NRXN3: variants seen among roughly 807,000 people sequenced by gnomAD.
NRXN3 encodes neurexin III.
In NRXN3, 32 loss-of-function variants were observed where a neutral mutation model predicts 137.6. The ratio of observed to expected loss-of-function variants is 0.23; its 90% CI spans 0.18 to 0.31. NRXN3 has a LOEUF of 0.31. NRXN3 is among the 10% of genes least tolerant of loss of function. The pLI, the probability that NRXN3 is intolerant of heterozygous loss-of-function variation, is 1.00. For missense variants in NRXN3, 1,574 were observed against 2,062.5 expected, an observed-to-expected ratio of 0.76 and a Z score of 4.59; for synonymous variants, 798 against 784.5, an observed-to-expected ratio of 1.02 and a Z score of -0.29.
chr14:78,831,314 G>T (rs1461658379), intron 10 of NRXN3, among the ~76,000 whole-genome samples: 1 of 151,872 alleles, frequency 6.6e-6, no homozygotes. Context: ...TTGGGAGGTG[G>T]ATCACGAGGT....
chr14:79,351,598 C>A (rs888804583), intron 15 of NRXN3, among the ~76,000 whole-genome samples: 1 of 152,136 alleles, frequency 6.6e-6, no homozygotes, highest in African/African-American at 2.4e-5. Context: ...CTATTAAGAG[C>A]ACCTACCTCA....
chr14:78,344,635 TG>T (rs2153584991), intron 4 of NRXN3, among the ~76,000 whole-genome samples: 1 of 152,350 alleles, frequency 6.6e-6, no homozygotes, highest in East Asian at 1.9e-4. Flanking sequence ...GGGGGCACTT[TG>T]ATAACCAAAT....
rs542204124 is a variant in NRXN3 at position 79,839,491 on chromosome 14, G to C, written c.4094-21851G>C. On this transcript the variant is annotated intron_variant, in intron 20 of 20. Coordinates refer to ENST00000335750, the MANE Select transcript of NRXN3 (RefSeq NM_001330195.2). ...GATCATTTGTTCAGTTTTAAAATCA[G>C]ATTATTAGTATTGCTGTTGAGTCAT... is the stretch of plus-strand genomic sequence containing the variant. 4.6e-5 allele frequency among the ~76,000 whole-genome samples: 7 copies of C among 152,272 alleles called. 1 individual carries two copies. The South Asian group carries it at 1.5e-3, about 32-fold the overall frequency.
At chr14:79,112,866 A>C (rs1473932863) in intron 15 of NRXN3, among the ~76,000 whole-genome samples, 1 of 152,236 alleles carries the variant, frequency 6.6e-6, no homozygotes, top group Non-Finnish European at 1.5e-5. Flanking sequence ...AAATGAAGTG[A>C]GTACCTCTTT....
chr14:78,432,417 C>T (rs1007046432), intron 4 of NRXN3, among the ~76,000 whole-genome samples: 6 of 151,992 alleles, frequency 3.9e-5, no homozygotes, highest in Non-Finnish European at 5.9e-5. Flanking sequence ...CCAAGGTTTA[C>T]CTCTGAGAAG....
intron 15 of NRXN3, among the ~76,000 whole-genome samples, chr14:79,081,441 G>A (rs955393416): frequency 9.2e-5 from 14 of 151,890 alleles, no homozygotes; most frequent in African/African-American, 1.2e-4. Context: ...TGGAGAAACC[G>A]TATCTCTACT....
chr14:79,373,491 A>C (rs1217363344), intron 15 of NRXN3, among the ~76,000 whole-genome samples: 1 of 152,194 alleles, frequency 6.6e-6, no homozygotes, highest in Admixed American at 6.5e-5. Context: ...AAAGCGATTT[A>C]GTTTTTTGCA....
chr14:79,081,784 A>G (rs1245529896), intron 15 of NRXN3, among the ~76,000 whole-genome samples: 4 of 152,184 alleles, frequency 2.6e-5, no homozygotes, highest in Non-Finnish European at 5.9e-5. Flanking sequence ...TTTTCCTCAT[A>G]GTAAACCAAA....
At chr14:78,912,732 A>T (rs1297743790) in intron 10 of NRXN3, among the ~76,000 whole-genome samples, 1 of 152,172 alleles carries the variant, frequency 6.6e-6, no homozygotes, top group Non-Finnish European at 1.5e-5. Context: ...TCAAAGTAAG[A>T]TTATCTGGAA....
chr14:79,508,447 T>C (rs540330522), intron 16 of NRXN3, among the ~76,000 whole-genome samples: 5 of 138,568 alleles, frequency 3.6e-5, no homozygotes, highest in African/African-American at 1.3e-4. Context: ...TGGAGTGCAG[T>C]GGCACGATCT....
intron 14 of NRXN3, among the ~76,000 whole-genome samples, chr14:78,978,882 G>A (rs966217303): frequency 6.6e-6 from 1 of 151,694 alleles, no homozygotes; most frequent in African/African-American, 2.4e-5. Context: ...GAATAAAACA[G>A]TTGGATTCTA....
intron 4 of NRXN3, among the ~76,000 whole-genome samples, chr14:78,449,855 G>A (rs1337727747): frequency 6.6e-6 from 1 of 152,194 alleles, no homozygotes; most frequent in African/African-American, 2.4e-5. Flanking sequence ...GTCAATGATG[G>A]TATAAATGGG....
chr14:78,315,614 T>A (rs2078616890), intron 4 of NRXN3, among the ~76,000 whole-genome samples: 1 of 152,220 alleles, frequency 6.6e-6, no homozygotes, highest in African/African-American at 2.4e-5. Flanking sequence ...TTTGTTGTAG[T>A]TCTTGTTTTA....
chr14:78,495,128 T>C (rs970844494), intron 4 of NRXN3, among the ~76,000 whole-genome samples: 8 of 42,746 alleles, frequency 1.9e-4, no homozygotes, highest in African/African-American at 5.9e-4. Flanking sequence ...GTGGGGTGTG[T>C]GTGTGCGTGC....
intron 15 of NRXN3, among the ~76,000 whole-genome samples, chr14:79,238,408 C>T (rs991586502): frequency 3.3e-4 from 50 of 152,062 alleles, no homozygotes; most frequent in Non-Finnish European, 4.3e-4. Flanking sequence ...GGATGTGAGG[C>T]ACTTGAGGAG....
intron 6 of NRXN3, among the ~76,000 whole-genome samples, chr14:78,658,716 C>T (rs193177635): frequency 3.3e-5 from 5 of 152,288 alleles, no homozygotes; most frequent in African/African-American, 1.2e-4. Context: ...TAGCATAGAA[C>T]ACACATTATT....
intron 16 of NRXN3, among the ~76,000 whole-genome samples, chr14:79,562,207 A>T (rs1192097189): frequency 6.6e-6 from 1 of 152,180 alleles, no homozygotes; most frequent in East Asian, 1.9e-4. Flanking sequence ...AGAGTTGGAC[A>T]TAAAACCCAG....
chr14:78,865,303 GT>G (rs2152544397), intron 10 of NRXN3, among the ~76,000 whole-genome samples: 1 of 152,300 alleles, frequency 6.6e-6, no homozygotes, highest in East Asian at 1.9e-4. Context: ...GAAAATGGTG[GT>G]TGAAATTCTG....
chr14:79,068,166 C>T (rs1343161493), intron 15 of NRXN3, among the ~76,000 whole-genome samples: 1 of 151,822 alleles, frequency 6.6e-6, no homozygotes, highest in Admixed American at 6.6e-5. Flanking sequence ...TTTTTATGTT[C>T]GATTCTCAGA....
Sources: allele counts gnomAD v4.1 joint callset (sites outside exome capture counted in the v4.1 genomes callset), GRCh38; gene constraint gnomAD v4.1.1; transcripts MANE v1.5; gene names NCBI Gene and HGNC (gene_info 2026-07-23, HGNC 2026-07-21).